The following ITGAV variants were observed in gnomAD, a reference collection of about 807,000 sequenced individuals.
ITGAV encodes integrin alpha-V.
ITGAV carries 76 observed loss-of-function variants against 143.8 expected under a neutral mutation model. The ratio of observed to expected loss-of-function variants is 0.53; its 90% CI spans 0.44 to 0.64. ITGAV has a LOEUF of 0.64. ITGAV is among the 30% of genes least tolerant of loss of function. The pLI is 0.00. For synonymous variants in ITGAV, 453 were observed against 446.7 expected (o/e 1.01, Z -0.18); for missense variants, 1,193 against 1,274.7 (o/e 0.94, Z 0.98).
chr2:186,671,336 T>C (rs1689056793), intron 26 of ITGAV, among the ~76,000 whole-genome samples: 1 of 152,090 alleles, frequency 6.6e-6, no homozygotes, highest in Non-Finnish European at 1.5e-5. Flanking sequence ...CTCTCCTTAC[T>C]ATTCTCTTTC....
Position 186,679,333 on chromosome 2 carries a change from A to G in ITGAV, c.*2041A>G, listed in dbSNP as rs1232427155. On this transcript the variant is annotated 3_prime_UTR_variant, in exon 30 of 30. Transcript: ENST00000261023. ...AAGTAATCTTGTATTGGAGATTGAA[A>G]GATGCTGTAATTTAGAAATTAACAT... is the stretch of plus-strand genomic sequence containing the variant. The G allele has an allele frequency of 6.6e-6, 1 of 151,968 alleles. No homozygotes were observed. The highest frequency in any genetic ancestry group is 1.5e-5 in the Non-Finnish European group (1 of 67,858). The allele number at this position is 151,968 out of a possible 1,614,324, so 9.4% of individuals were successfully genotyped here. A position where few individuals can be genotyped will look rare whatever the true frequency, so the allele number is the denominator to read the frequency against.
At chr2:186,630,660 A>G in intron 4 of ITGAV, 137 bp from the exon 5 acceptor site, 2 of 584,974 alleles carry the variant, frequency 3.4e-6, no homozygotes, top group Non-Finnish European at 3.2e-6. Context: ...TGTGGTAATA[A>G]CTAAGTGCCC....
At chr2:186,631,291 T>C (rs954523190) in intron 5 of ITGAV, among the ~76,000 whole-genome samples, 10 of 152,208 alleles carry the variant, frequency 6.6e-5, no homozygotes, top group Middle Eastern at 3.2e-3. Flanking sequence ...CCATCTATTA[T>C]GTGCCTATAG....
chr2:186,617,037 GTT>G (rs35578823), intron 2 of ITGAV, among the ~76,000 whole-genome samples: 20 of 145,750 alleles, frequency 1.4e-4, no homozygotes, highest in Admixed American at 4.1e-4. Flanking sequence ...TTCTTTTTTT[GTT>G]TTTTTTTTTA....
rs752660168 is a variant in ITGAV, at chr2:186,667,750, G to A, written c.2407G>A (p.Gly803Arg). Reference protein sequence around the residue: ...KENPETEEDVGPVVQHIYELR... With the variant: ...KENPETEEDVRPVVQHIYELR... Reference sequence around the variant, plus strand: ...GAACCCTGAGACTGAAGAAGATGTTGGGCCAGTTGTTCAGCACATCTATGA... The same window carrying A: ...GAACCCTGAGACTGAAGAAGATGTTAGGCCAGTTGTTCAGCACATCTATGA... Residue 803 changes from glycine (G) to arginine (R), a missense_variant, in exon 24 of 30, where the codon GGG (glycine) becomes AGG (arginine). Coordinates refer to ENST00000261023, the MANE Select transcript of ITGAV (RefSeq NM_002210.5). 6.2e-6 allele frequency: 10 copies of A among 1,610,094 alleles called. No individual in the cohort carries two copies. In the Admixed American group the frequency reaches 1.2e-4, roughly 19 times the overall value.
chr2:186,670,094 A>C, intron 26 of ITGAV: 1 of 378,838 alleles, frequency 2.6e-6, no homozygotes, highest in African/African-American at 2.1e-5. Context: ...GCCTCCTCCT[A>C]ATCTCTGAGG....
At chr2:186,648,994 ATATATATACACATTTGTGTG>A (rs1441757284) in intron 13 of ITGAV, among the ~76,000 whole-genome samples, 431 of 7,776 alleles carry the variant, frequency 0.055, 5 homozygotes, top group Middle Eastern at 0.17. Context: ...ATTTGTGTGT[ATATATATACACATTTGTGTG>A]TATATATATA....
Position 186,678,371 on chromosome 2 carries a change from C to T in ITGAV, c.*1079C>T, listed in dbSNP as rs1689270665. ...TGACAGGAACCTGGACCCCTTACCC[C>T]AACTTTATGAGTAATGCTTGGAATA... On this transcript the variant is annotated 3_prime_UTR_variant, in exon 30 of 30. Coordinates refer to ENST00000261023, the MANE Select transcript of ITGAV (RefSeq NM_002210.5). 1 of 159,010 alleles carries T rather than the reference C, an allele frequency of 6.3e-6. No homozygotes were observed. Among genetic ancestry groups the T allele is most frequent in the South Asian group, 1.8e-4 (1 of 5,556 alleles). The allele number at this position is 159,010 out of a possible 1,614,324, so 9.8% of individuals were successfully genotyped here.
chr2:186,609,089 C>T (rs994669083), intron 2 of ITGAV, among the ~76,000 whole-genome samples: 2 of 152,114 alleles, frequency 1.3e-5, no homozygotes, highest in Non-Finnish European at 2.9e-5. Flanking sequence ...TCTTATCTTA[C>T]ACAACTAAGA....
At chr2:186,618,935 A>G (rs575045670) in intron 2 of ITGAV, among the ~76,000 whole-genome samples, 2 of 152,288 alleles carry the variant, frequency 1.3e-5, no homozygotes, top group African/African-American at 4.8e-5. Context: ...TCAGTATATC[A>G]AAGAGACATC....
chr2:186,623,025 C>T (rs1171006000), intron 3 of ITGAV, among the ~76,000 whole-genome samples: 2 of 152,048 alleles, frequency 1.3e-5, no homozygotes, highest in Non-Finnish European at 2.9e-5. Context: ...TGGCCACTTC[C>T]TCTCTTTGAA....
rs1021648258 is a variant in ITGAV, at chr2:186,675,887, A to G, written c.2888A>G (p.Tyr963Cys). 8 of 1,607,634 alleles carry G rather than the reference A, an allele frequency of 5.0e-6. No homozygotes were observed. The highest frequency in any genetic ancestry group is 6.8e-6 in the Non-Finnish European group (8 of 1,174,680). The change falls in exon 28 of 30, where the codon TAT becomes TGT. Residue 963 changes from tyrosine (Y) to cysteine (C), a missense_variant. Tyr to Cys is a radical substitution (Grantham distance 194). Transcript: ENST00000261023. The stretch of plus-strand genomic sequence containing the variant: ...TCATTTAATGTCATAGAGTTTCCTT[A>G]TAAGAATCTTCCAATTGAGGATATC... ...SASFNVIEFP[Y>C]KNLPIEDITN...
In ITGAV at chr2:186,675,707, C is replaced by A; in HGVS notation, c.2810C>A (p.Thr937Asn). The stretch of plus-strand genomic sequence containing the variant: ...GTAAAGTCATTACTGTGGACTGAGA[C>A]TTTTATGAATGTAAGTAGACAGGTG... The part of the protein sequence containing the change: ...LYVKSLLWTE[T>N]FMNKENQNHS... Residue 937 changes from threonine to asparagine, a missense_variant, in exon 27 of 30, where the codon ACT (threonine) becomes AAT (asparagine). Physicochemically the swap from Thr to Asn is moderately conservative, Grantham distance 65. Transcript: ENST00000261023. 1 of 1,610,124 alleles carries A rather than the reference C, an allele frequency of 6.2e-7. No individual in the cohort carries two copies. Among genetic ancestry groups the A allele is most frequent in the South Asian group, 1.1e-5 (1 of 90,972 alleles).
At chr2:186,592,894 T>C (rs1686653674) in intron 1 of ITGAV, among the ~76,000 whole-genome samples, 1 of 152,154 alleles carries the variant, frequency 6.6e-6, no homozygotes, top group Admixed American at 6.5e-5. Context: ...ACAAAACGTA[T>C]ATAAACACAG....
Position 186,679,151 on chromosome 2 carries a change from C to T in ITGAV, c.*1859C>T, listed in dbSNP as rs1310476723. 6.5e-6 allele frequency: 1 copy of T among 152,766 alleles called. No homozygotes were observed. The highest frequency in any genetic ancestry group is 1.5e-5 in the Non-Finnish European group (1 of 68,544). The allele number at this position is 152,766 out of a possible 1,614,324, so 9.5% of individuals were successfully genotyped here. A position where few individuals can be genotyped will look rare whatever the true frequency, so the allele number is the denominator to read the frequency against. On this transcript the variant is annotated 3_prime_UTR_variant, in exon 30 of 30. Coordinates refer to ENST00000261023, the MANE Select transcript of ITGAV (RefSeq NM_002210.5). ...TCCTAGGGCCAAGTGTTGCCTGCCA[C>T]CAATCAGTAAGTTAGTCTATAACAA...
chr2:186,675,810 T>G lies in ITGAV; in HGVS notation c.2821-10T>G. On this transcript the variant is annotated splice_polypyrimidine_tract_variant and intron_variant, in intron 27 of 29. Coordinates refer to ENST00000261023, the MANE Select transcript of ITGAV (RefSeq NM_002210.5). The stretch of plus-strand genomic sequence containing the variant: ...ATCTGGGAAATCATCTAATTGTTAT[T>G]TCCAAACAGAAAGAAAATCAGAATC... 6.3e-7 allele frequency: 1 copy of G among 1,585,066 alleles called. No individual in the cohort carries two copies. The highest frequency in any genetic ancestry group is 8.6e-7 in the Non-Finnish European group (1 of 1,156,900).
intron 3 of ITGAV, among the ~76,000 whole-genome samples, chr2:186,622,748 C>T (rs958411825): frequency 6.6e-6 from 1 of 151,340 alleles, no homozygotes; most frequent in Non-Finnish European, 1.5e-5. Flanking sequence ...TTTAATACTT[C>T]CTCTCTCTCT....
At chr2:186,616,543 G>T (rs1456705542) in intron 2 of ITGAV, among the ~76,000 whole-genome samples, 2 of 151,992 alleles carry the variant, frequency 1.3e-5, no homozygotes, top group African/African-American at 2.4e-5. Context: ...CTCCCAAAGT[G>T]CTGGGATTAC....
At chr2:186,622,454 A>G in intron 3 of ITGAV, 24 bp downstream of exon 3, 2 of 1,464,138 alleles carry the variant, frequency 1.4e-6, no homozygotes, top group East Asian at 2.3e-5. Flanking sequence ...ATATTTACTT[A>G]CAGGTGATTT....
Sources: gnomAD v4.1 joint callset for allele counts (sites outside exome capture counted in the v4.1 genomes callset) on GRCh38, gnomAD v4.1.1 for gene constraint, MANE v1.5 for transcripts, NCBI Gene and HGNC (gene_info 2026-07-23, HGNC 2026-07-21) for gene names.